PKHD1: variants seen among roughly 807,000 people sequenced by gnomAD.
The protein encoded by PKHD1 is PKHD1 ciliary IPT domain containing fibrocystin/polyductin, also known as fibrocystin.
PKHD1 carries 291 observed loss-of-function variants against 412.0 expected under a neutral mutation model. That is an observed-to-expected ratio of 0.71 (90% CI 0.64 to 0.78). The LOEUF (loss-of-function observed/expected upper bound fraction) is 0.78. Ranked by LOEUF, PKHD1 falls within the 30% of genes least tolerant of loss-of-function variation. The probability of loss-of-function intolerance (pLI) is 0.00; values close to 1 mark genes in which losing one functional copy is unlikely to be tolerated. For missense variants in PKHD1, 4,825 were observed against 4,950.7 expected (o/e 0.97, Z 0.76); for synonymous variants, 1,777 against 1,821.5 (o/e 0.98, Z 0.62).
intron 60 of PKHD1, among the ~76,000 whole-genome samples, chr6:51,718,063 T>G (rs865845853): frequency 6.6e-6 from 1 of 152,240 alleles, no homozygotes; most frequent in African/African-American, 2.4e-5. Context: ...TTAACAACTT[T>G]TGCTTCATCT....
chr6:51,689,003 G>A (rs1215861345), intron 60 of PKHD1, among the ~76,000 whole-genome samples: 7 of 152,024 alleles, frequency 4.6e-5, no homozygotes, highest in Admixed American at 2.0e-4. Flanking sequence ...CTATAAGGCC[G>A]GCATCATCCT....
At chr6:51,893,317 C>T (rs1779391406) in intron 43 of PKHD1, among the ~76,000 whole-genome samples, 1 of 152,198 alleles carries the variant, frequency 6.6e-6, no homozygotes, top group South Asian at 2.1e-4. Context: ...ACGTGTTTCC[C>T]TGAATAAATG....
chr6:52,024,928 G>C lies in PKHD1; in HGVS notation c.4882C>G (p.Pro1628Ala), dbSNP rs267601070. ...IGAELIRCIV[P>A]TGNGSVALEI... ...AGGGCAACAGAGCCATTCCCTGTGGGAACAATGCACCGGATGAGCTCAGCA... is the reference window on the plus strand; with the variant it reads ...AGGGCAACAGAGCCATTCCCTGTGGCAACAATGCACCGGATGAGCTCAGCA... Residue 1628 changes from proline to alanine, a missense_variant, in exon 32 of 67, where the codon CCC (proline) becomes GCC (alanine). Transcript: ENST00000371117. 1.2e-6 allele frequency: 2 copies of C among 1,614,172 alleles called. No homozygotes were observed. The highest frequency in any genetic ancestry group is 1.7e-6 in the Non-Finnish European group (2 of 1,180,042).
intron 27 of PKHD1, among the ~76,000 whole-genome samples, chr6:52,038,831 T>C (rs1369452163): frequency 6.6e-6 from 1 of 152,162 alleles, no homozygotes. Flanking sequence ...GATTAGGCAA[T>C]AGTTTCTTAG....
At chr6:51,889,679 C>T (rs1309702869) in intron 43 of PKHD1, among the ~76,000 whole-genome samples, 2 of 152,164 alleles carry the variant, frequency 1.3e-5, no homozygotes, top group Admixed American at 1.3e-4. Context: ...TCTTGGCCAT[C>T]ACAAGGTGCT....
At chr6:51,837,130 A>T (rs1318869755) in intron 50 of PKHD1, among the ~76,000 whole-genome samples, 2 of 152,214 alleles carry the variant, frequency 1.3e-5, no homozygotes, top group African/African-American at 4.8e-5. Flanking sequence ...TGCTATAATT[A>T]AATAGTGAAT....
intron 33 of PKHD1, among the ~76,000 whole-genome samples, chr6:52,019,355 T>C (rs181688049): frequency 1.3e-5 from 2 of 152,236 alleles, no homozygotes; most frequent in African/African-American, 2.4e-5. Flanking sequence ...ATAGTACTAT[T>C]GTTGCTGTTA....
Position 51,868,082 on chromosome 6 carries a change from A to T in PKHD1, c.7514T>A (p.Leu2505Ter), listed in dbSNP as rs769645972. ...TAAGTTTGAAGAGTTTGTAAACTTC[A>T]ACTGGCTGGTCTTCACAGTAAATCC... Reference protein sequence around the residue: ...QGGFTVKTSQLKFTNSSNLVA... With the variant: ...QGGFTVKTSQ Residue 2505 changes from leucine (L) to a stop codon, truncating the protein, a stop_gained, in exon 48 of 67, where the codon TTG becomes TAG. Transcript: ENST00000371117. LOFTEE classifies it high-confidence loss of function. 6 of 1,612,142 alleles carry T rather than the reference A, an allele frequency of 3.7e-6. No individual in the cohort carries two copies. Among genetic ancestry groups the T allele is most frequent in the Non-Finnish European group, 4.2e-6 (5 of 1,178,324 alleles).
At chr6:51,982,889 AT>A (rs770801359) in intron 35 of PKHD1, among the ~76,000 whole-genome samples, 60,408 of 137,332 alleles carry the variant, frequency 0.44, 14,469 homozygotes, top group Non-Finnish European at 0.56. Flanking sequence ...ATAAAATAAA[AT>A]AAAAAAAAGA....
intron 60 of PKHD1, among the ~76,000 whole-genome samples, chr6:51,685,923 C>T (rs944274463): frequency 2.6e-5 from 4 of 152,270 alleles, no homozygotes; most frequent in Middle Eastern, 3.4e-3. Context: ...TATGCAGACA[C>T]TTTGCTCAAC....
chr6:52,003,669 A>G (rs552223692), intron 35 of PKHD1, among the ~76,000 whole-genome samples: 2 of 152,150 alleles, frequency 1.3e-5, no homozygotes, highest in Non-Finnish European at 2.9e-5. Context: ...CTATGACACT[A>G]CCACAAGAAT....
At chr6:51,906,113 AATAT>A (rs1377511088) in intron 41 of PKHD1, 98 bp downstream of exon 41, 1 of 985,442 alleles carries the variant, frequency 1.0e-6, no homozygotes, top group African/African-American at 1.6e-5. Flanking sequence ...TCATAAAGCC[AATAT>A]TTTTATAAAT....
intron 46 of PKHD1, among the ~76,000 whole-genome samples, chr6:51,874,159 T>A (rs1256839989): frequency 3.3e-5 from 5 of 152,212 alleles, no homozygotes; most frequent in Non-Finnish European, 7.3e-5. Flanking sequence ...TCAGCATCTG[T>A]CTGAATACGG....
At chr6:51,958,879 C>G (rs922003048) in intron 36 of PKHD1, among the ~76,000 whole-genome samples, 3 of 151,790 alleles carry the variant, frequency 2.0e-5, no homozygotes, top group Non-Finnish European at 4.4e-5. Context: ...CCCAAGCTGA[C>G]AGACCATTTT....
At chr6:52,034,193 A>G (rs2499476) in intron 28 of PKHD1, among the ~76,000 whole-genome samples, 66,735 of 146,272 alleles carry the variant, frequency 0.46, 16,836 homozygotes, top group Admixed American at 0.58. Context: ...AAAAAAAAAA[A>G]GAACTATAAA....
At chr6:52,020,103 C>T (rs556981020) in intron 33 of PKHD1, among the ~76,000 whole-genome samples, 1 of 152,056 alleles carries the variant, frequency 6.6e-6, no homozygotes, top group South Asian at 2.1e-4. Flanking sequence ...ACTCAAAGCA[C>T]GGGTCAGAAT....
At chr6:51,629,359 A>G (rs1224729575) in intron 65 of PKHD1, among the ~76,000 whole-genome samples, 1 of 152,080 alleles carries the variant, frequency 6.6e-6, no homozygotes, top group African/African-American at 2.4e-5. Flanking sequence ...CTTAAATCAA[A>G]AATCAAAAAA....
chr6:51,937,384 G>A (rs534091678), intron 36 of PKHD1, among the ~76,000 whole-genome samples: 1 of 152,288 alleles, frequency 6.6e-6, no homozygotes, highest in East Asian at 1.9e-4. Context: ...TGTGCCCCAG[G>A]CCATGGTCAC....
intron 60 of PKHD1, among the ~76,000 whole-genome samples, chr6:51,698,798 G>A (rs1360950092): frequency 6.6e-6 from 1 of 152,154 alleles, no homozygotes; most frequent in Admixed American, 6.6e-5. Flanking sequence ...GTGCCAGAGG[G>A]GGAAGTCCCC....
Sources: allele counts gnomAD v4.1 joint callset (sites outside exome capture counted in the v4.1 genomes callset), GRCh38; gene constraint gnomAD v4.1.1; transcripts MANE v1.5; gene names NCBI Gene and HGNC (gene_info 2026-07-23, HGNC 2026-07-21).